CMYA5: variants seen among roughly 807,000 people sequenced by gnomAD.
The protein encoded by CMYA5 is cardiomyopathy associated 5.
In CMYA5, 246 loss-of-function variants were observed where a neutral mutation model predicts 318.9. That is an observed-to-expected ratio of 0.77 (90% CI 0.70 to 0.86). The LOEUF (loss-of-function observed/expected upper bound fraction) is 0.86. CMYA5 is among the 40% of genes least tolerant of loss of function. The pLI is 0.00. For missense variants in CMYA5, 4,589 were observed against 4,678.2 expected (o/e 0.98, Z 0.56); for synonymous variants, 1,641 against 1,729.5 (o/e 0.95, Z 1.27).
At chr5:79,754,601 A>G (rs1056128518) in intron 6 of CMYA5, among the ~76,000 whole-genome samples, 7 of 152,158 alleles carry the variant, frequency 4.6e-5, no homozygotes, top group African/African-American at 1.2e-4. Flanking sequence ...GAAACAGATC[A>G]TGATAAACAA....
chr5:79,757,681 C>G (rs1828557405), intron 6 of CMYA5, among the ~76,000 whole-genome samples: 1 of 152,152 alleles, frequency 6.6e-6, no homozygotes, highest in South Asian at 2.1e-4. Flanking sequence ...AATATAGAAT[C>G]TATATTGATA....
intron 5 of CMYA5, among the ~76,000 whole-genome samples, chr5:79,748,668 A>T (rs367984925): frequency 1.3e-5 from 2 of 152,004 alleles, no homozygotes; most frequent in East Asian, 3.9e-4. Flanking sequence ...TCAGCCTCCG[A>T]AGTAGCTGGG....
At position 79,723,784 on chromosome 5, in the gene CMYA5, A is replaced by AG. The variant is rs1402931496; in HGVS notation, c.150-5131_150-5130insG. Among the ~76,000 whole-genome samples the AG allele has an allele frequency of 4.9e-4, 75 of 151,848 alleles. 1 individual carries two copies. The highest frequency in any genetic ancestry group is 9.7e-4 in the Non-Finnish European group (66 of 67,982). On this transcript the variant is annotated intron_variant, in intron 1 of 12. Coordinates refer to ENST00000446378, the MANE Select transcript of CMYA5 (RefSeq NM_153610.5). ...CTCAAAAACAAAACAATGAAAAAAA[A>AG]AAAAGAAAAGAAAAGGAGATTACAG...
rs1357505935 is a variant in CMYA5, at chr5:79,738,989, T to C, written c.10224T>C (p.Ser3408=). 1 of 1,613,776 alleles carries C rather than the reference T, an allele frequency of 6.2e-7. No individual in the cohort carries two copies. The highest frequency in any genetic ancestry group is 1.3e-5 in the African/African-American group (1 of 74,892). ...EPKILVPPEP[S]EERLRNSPVQ... ...AAATCCTGGTCCCACCTGAGCCAAG[T>C]GAAGAGAGGCTCCGTAATAGCCCTG... The change falls in exon 2 of 13, where the codon AGT becomes AGC. Residue 3408 remains serine, a synonymous_variant. Transcript: ENST00000446378.
intron 1 of CMYA5, among the ~76,000 whole-genome samples, chr5:79,704,399 CT>C: frequency 6.6e-6 from 1 of 152,048 alleles, no homozygotes; most frequent in Non-Finnish European, 1.5e-5. Flanking sequence ...GACCAGAATC[CT>C]GTGAGCAGAC....
intron 6 of CMYA5, among the ~76,000 whole-genome samples, chr5:79,753,165 C>T (rs1368799527): frequency 1.1e-4 from 16 of 152,038 alleles, no homozygotes; most frequent in East Asian, 1.9e-4. Context: ...TGTTTTCCTA[C>T]GTGTCAAACA....
chr5:79,772,794 G>A (rs1828877747), intron 9 of CMYA5, among the ~76,000 whole-genome samples: 1 of 152,168 alleles, frequency 6.6e-6, no homozygotes. Flanking sequence ...CATGTGTTAT[G>A]GTTCTTTTGA....
intron 10 of CMYA5, among the ~76,000 whole-genome samples, chr5:79,790,050 G>C (rs2151100460): frequency 6.6e-6 from 1 of 152,318 alleles, no homozygotes; most frequent in Admixed American, 6.5e-5. Context: ...TCTTATCCTA[G>C]ACACAGAGCT....
At position 79,735,909 on chromosome 5, in the gene CMYA5, G is replaced by T. The variant is rs59506448; in HGVS notation, c.7144G>T (p.Asp2382Tyr). The change falls in exon 2 of 13, where the codon GAT becomes TAT. Residue 2382 changes from aspartate (D) to tyrosine (Y), a missense_variant. Asp to Tyr is a radical substitution (Grantham distance 160). Coordinates refer to ENST00000446378, the MANE Select transcript of CMYA5 (RefSeq NM_153610.5). The stretch of plus-strand genomic sequence containing the variant: ...ATCACTCCTTTCATTTGATGTAGTA[G>T]ATAAGGTGCCACAACAGCCAAAATC... Reference protein sequence around the residue: ...QKSLLSFDVVDKVPQQPKSAS... With the variant: ...QKSLLSFDVVYKVPQQPKSAS... The T allele has an allele frequency of 7.9e-4, 1,273 of 1,603,626 alleles. 19 individuals carry two copies. The East Asian group carries it at 0.024, about 30-fold the overall frequency.
intron 11 of CMYA5, among the ~76,000 whole-genome samples, chr5:79,792,748 A>G (rs547783264): frequency 2.7e-4 from 41 of 152,262 alleles, no homozygotes; most frequent in Non-Finnish European, 3.8e-4. Context: ...GTCACCCATC[A>G]GCAGTTGAAA....
intron 9 of CMYA5, among the ~76,000 whole-genome samples, chr5:79,763,573 G>A (rs1038997594): frequency 6.6e-6 from 1 of 152,110 alleles, no homozygotes; most frequent in Non-Finnish European, 1.5e-5. Context: ...AACTAATAGT[G>A]AGCTTGTGTA....
intron 1 of CMYA5, among the ~76,000 whole-genome samples, chr5:79,723,891 A>G (rs1441495409): frequency 6.6e-6 from 1 of 152,236 alleles, no homozygotes; most frequent in East Asian, 1.9e-4. Flanking sequence ...ATATAAAAGT[A>G]TAATGTATCA....
chr5:79,726,908 G>GTTTTTTT (rs1561203799), intron 1 of CMYA5, among the ~76,000 whole-genome samples: 5 of 104,864 alleles, frequency 4.8e-5, no homozygotes, highest in African/African-American at 2.5e-4. Context: ...TTAGGCCAGT[G>GTTTTTTT]ATTTTTTTTT....
At position 79,722,430 on chromosome 5, in the gene CMYA5, A is replaced by G. The variant is rs184291968; in HGVS notation, c.150-6485A>G. Among the ~76,000 whole-genome samples the G allele has an allele frequency of 5.9e-5, 9 of 152,208 alleles. No homozygotes were observed. In the East Asian group the frequency reaches 1.7e-3, roughly 29 times the overall value. On this transcript the variant is annotated intron_variant, in intron 1 of 12. Transcript: ENST00000446378. Reference sequence around the variant, plus strand: ...AGTGGCTCATGCATGTAATCCCAGCACTTTGGGAGACTGAGCTGGGCAGAT... The same window carrying G: ...AGTGGCTCATGCATGTAATCCCAGCGCTTTGGGAGACTGAGCTGGGCAGAT...
chr5:79,744,907 G>A (rs762014420), intron 3 of CMYA5, among the ~76,000 whole-genome samples: 2 of 152,188 alleles, frequency 1.3e-5, no homozygotes, highest in Admixed American at 1.3e-4. Context: ...CTCACTCAAC[G>A]TGATGCCATT....
intron 9 of CMYA5, among the ~76,000 whole-genome samples, chr5:79,775,455 A>T (rs946690275): frequency 2.0e-5 from 3 of 152,196 alleles, no homozygotes; most frequent in Non-Finnish European, 4.4e-5. Flanking sequence ...GACTGAAGAG[A>T]CTGAAAATGA....
chr5:79,761,864 G>T lies in CMYA5; in HGVS notation c.11314G>T (p.Asp3772Tyr). Residue 3772 changes from aspartate (D) to tyrosine (Y), a missense_variant, in exon 8 of 13, where the codon GAT (aspartate) becomes TAT (tyrosine). Physicochemically the swap from Asp to Tyr is radical, Grantham distance 160 (BLOSUM62 -3). This residue lies in a region of CMYA5 where 2,431 missense variants were observed against 2,495.1 expected (regional missense o/e 0.97). Coordinates refer to ENST00000446378, the MANE Select transcript of CMYA5 (RefSeq NM_153610.5). ...GAAAGAAAGCTACTGCATTTTTGAA[G>T]ATCTGGAACCTGACCGATGCTATCA... ...TVKESYCIFE[D>Y]LEPDRCYQVW... 6.2e-7 allele frequency: 1 copy of T among 1,613,686 alleles called. No individual in the cohort carries two copies. The highest frequency in any genetic ancestry group is 8.5e-7 in the Non-Finnish European group (1 of 1,179,746).
chr5:79,731,037 A>T lies in CMYA5; in HGVS notation c.2272A>T (p.Thr758Ser), dbSNP rs369615786. ...PASEPSLSPSTTEKTSECQSP... is the reference protein window; with the variant it reads ...PASEPSLSPSSTEKTSECQSP... ...TTCTGAGCCCTCTCTCTCACCATCCACAACCGAAAAGACTTCTGAATGCCA... is the reference window on the plus strand; with the variant it reads ...TTCTGAGCCCTCTCTCTCACCATCCTCAACCGAAAAGACTTCTGAATGCCA... The change falls in exon 2 of 13, where the codon ACA becomes TCA. Residue 758 changes from threonine (T) to serine (S), a missense_variant. Coordinates refer to ENST00000446378, the MANE Select transcript of CMYA5 (RefSeq NM_153610.5). 111 of 1,613,844 alleles carry T rather than the reference A, an allele frequency of 6.9e-5. No homozygotes were observed. The highest frequency in any genetic ancestry group is 9.2e-5 in the Non-Finnish European group (109 of 1,179,890).
At position 79,799,659 on chromosome 5, in the gene CMYA5, G is replaced by T; in HGVS notation, c.*43G>T. 2 of 1,572,514 alleles carry T rather than the reference G, an allele frequency of 1.3e-6. No individual in the cohort carries two copies. The highest frequency in any genetic ancestry group is 1.2e-5 in the South Asian group (1 of 86,290). ...TTGCAAGAACAGCGATTTGAATTTT[G>T]GGGGGGTCTGCTGTTCATTCCTTTA... On this transcript the variant is annotated 3_prime_UTR_variant, in exon 13 of 13. Transcript: ENST00000446378.
Sources: allele counts gnomAD v4.1 joint callset (sites outside exome capture counted in the v4.1 genomes callset), GRCh38; gene constraint gnomAD v4.1.1; regional missense constraint gnomAD v4.1.1; transcripts MANE v1.5; gene names NCBI Gene and HGNC (gene_info 2026-07-23, HGNC 2026-07-21).